The following ARFGAP1 variants were observed in gnomAD, a reference collection of about 807,000 sequenced individuals.
ARFGAP1 encodes ARF GTPase activating protein 1.
In ARFGAP1, 26 loss-of-function variants were observed where a neutral mutation model predicts 54.0. The ratio of observed to expected loss-of-function variants is 0.48; its 90% CI spans 0.35 to 0.67. The LOEUF (loss-of-function observed/expected upper bound fraction) is 0.67, where lower values mean the gene tolerates loss of function less well. Ranked by LOEUF, ARFGAP1 falls within the 30% of genes least tolerant of loss-of-function variation. ARFGAP1 has a pLI of 0.00. For synonymous variants in ARFGAP1, 248 were observed against 211.9 expected (o/e 1.17, Z -1.48); for missense variants, 525 against 535.8 (o/e 0.98, Z 0.20).
intron 5 of ARFGAP1, among the ~76,000 whole-genome samples, chr20:63,277,795 G>A (rs2067272344): frequency 1.3e-5 from 2 of 152,246 alleles, no homozygotes; most frequent in Admixed American, 1.3e-4. Flanking sequence ...CTGACGGAAG[G>A]CTTTGCACTG....
intron 4 of ARFGAP1, among the ~76,000 whole-genome samples, chr20:63,277,004 T>C (rs1198953834): frequency 6.6e-6 from 1 of 152,158 alleles, no homozygotes; most frequent in African/African-American, 2.4e-5. Flanking sequence ...TCCCCAGCAC[T>C]GTTGTTCATT....
rs112165222 is a variant in ARFGAP1 at position 63,276,889 on chromosome 20, G to A, written c.342+238G>A. On this transcript the variant is annotated intron_variant, in intron 4 of 12. Coordinates refer to ENST00000370283, the MANE Select transcript of ARFGAP1 (RefSeq NM_018209.4). This position sits in a 1 kb window ranked among gnomAD's most constrained non-coding sequence, Gnocchi z 5.2. ...TCCAGGGGAGAAAGCAGCTGTGACC[G>A]TTTATTGCCTCTGTGACATGTTGGG... The A allele has an allele frequency of 3.0e-5, 17 of 566,522 alleles. No homozygotes were observed. The highest frequency in any genetic ancestry group is 2.2e-4 in the African/African-American group (12 of 53,548). The allele number at this position is 566,522 out of a possible 1,614,324, so 35.1% of individuals were successfully genotyped here.
At chr20:63,278,374 G>A in intron 6 of ARFGAP1, 171 bp downstream of exon 6, 1 of 636,508 alleles carries the variant, frequency 1.6e-6, no homozygotes, top group Admixed American at 2.7e-5. Context: ...TGTGAATTGG[G>A]GGTCTTGGGT....
intron 7 of ARFGAP1, 82 bp downstream of exon 7, chr20:63,279,077 A>T (rs1057124987): frequency 1.5e-6 from 2 of 1,363,540 alleles, no homozygotes; most frequent in Non-Finnish European, 2.1e-6. Context: ...GCAGTGTGGC[A>T]GTCCTGGAAC....
intron 5 of ARFGAP1, 100 bp from the exon 6 acceptor site, chr20:63,278,017 G>A (rs1365939846): frequency 3.7e-6 from 4 of 1,076,216 alleles, no homozygotes; most frequent in African/African-American, 3.1e-5. Flanking sequence ...GTGACGTGAA[G>A]GCACTGCCCA....
intron 8 of ARFGAP1, among the ~76,000 whole-genome samples, chr20:63,282,261 C>T (rs1245869811): frequency 6.6e-6 from 1 of 152,252 alleles, no homozygotes; most frequent in African/African-American, 2.4e-5. Context: ...CTGGTTCCCG[C>T]CAGGGCCGCC....
chr20:63,281,142 G>A (rs2067370020), intron 7 of ARFGAP1, 149 bp from the exon 8 acceptor site: 10 of 751,690 alleles, frequency 1.3e-5, no homozygotes, highest in Admixed American at 5.3e-5. Context: ...TCCTCCAGCA[G>A]CCTGGAGAAG....
chr20:63,284,103 C>A (rs1042227321), intron 9 of ARFGAP1: 11 of 1,328,904 alleles, frequency 8.3e-6, no homozygotes, highest in Middle Eastern at 5.6e-4. Flanking sequence ...CACTGCGCTC[C>A]CCCCGGGCAA....
At chr20:63,283,950 C>A in intron 9 of ARFGAP1, 1 of 1,598,516 alleles carries the variant, frequency 6.3e-7, no homozygotes, top group African/African-American at 1.3e-5. Flanking sequence ...TCCTCTGTCC[C>A]TCCTGCGTGC....
intron 9 of ARFGAP1, chr20:63,284,641 G>T: frequency 7.2e-7 from 1 of 1,392,016 alleles, no homozygotes; most frequent in Non-Finnish European, 9.4e-7. Context: ...GGACCTTCCT[G>T]CAAGAATTGG....
intron 12 of ARFGAP1, 37 bp downstream of exon 12, chr20:63,286,479 C>T (rs1360001125): frequency 5.0e-6 from 8 of 1,593,138 alleles, no homozygotes; most frequent in Non-Finnish European, 6.0e-6. Flanking sequence ...GCATCCCACT[C>T]CCCTGCCTTG....
chr20:63,281,327 G>T lies in ARFGAP1; in HGVS notation c.664G>T (p.Ala222Ser). 6.2e-7 allele frequency: 1 copy of T among 1,600,552 alleles called. No homozygotes were observed. The highest frequency in any genetic ancestry group is 1.7e-5 in the Admixed American group (1 of 59,372). The part of the protein sequence containing the change: ...SSFTTGASRF[A>S]SAAKEGATKF... ...CTTCACCACTGGAGCCAGCCGGTTT[G>T]CCTCGGCAGCCAAGGAGGGCGTAAG... is the stretch of plus-strand genomic sequence containing the variant. Residue 222 changes from alanine to serine, a missense_variant, in exon 8 of 13, where the codon GCC becomes TCC. Transcript: ENST00000370283.
chr20:63,281,684 G>A (rs1430933096), intron 8 of ARFGAP1, among the ~76,000 whole-genome samples: 1 of 152,196 alleles, frequency 6.6e-6, no homozygotes, highest in Non-Finnish European at 1.5e-5. Flanking sequence ...GGCACCCTGT[G>A]CCCTGGAGCT....
At chr20:63,273,182 C>T (rs1334785652) in intron 1 of ARFGAP1, 6 of 152,066 alleles carry the variant, frequency 3.9e-5, no homozygotes, top group African/African-American at 1.4e-4. Flanking sequence ...CTCGTGCCCC[C>T]TTCCGTACGA....
rs1303230510 is a variant in ARFGAP1, at chr20:63,287,928, G to T, written c.*55G>T. ...CCGGGCGACTTCGTGTTTGCACTCT[G>T]CCCTCGTCGTTCCTCCTCCTTCCAT... On this transcript the variant is annotated 3_prime_UTR_variant, in exon 13 of 13. Coordinates refer to ENST00000370283, the MANE Select transcript of ARFGAP1 (RefSeq NM_018209.4). 2 of 1,444,216 alleles carry T rather than the reference G, an allele frequency of 1.4e-6. No homozygotes were observed. The highest frequency in any genetic ancestry group is 5.0e-5 in the East Asian group (2 of 40,076). The allele number at this position is 1,444,216 out of a possible 1,614,324, so 89.5% of individuals were successfully genotyped here.
At chr20:63,282,440 C>T (rs1362444197) in intron 8 of ARFGAP1, among the ~76,000 whole-genome samples, 5 of 152,242 alleles carry the variant, frequency 3.3e-5, no homozygotes, top group South Asian at 2.1e-4. Flanking sequence ...GGGGCTGGGG[C>T]GGTGGCACTG....
chr20:63,287,476 T>C, intron 12 of ARFGAP1, 88 bp from the exon 13 acceptor site: 1 of 1,309,324 alleles, frequency 7.6e-7, no homozygotes, highest in East Asian at 2.4e-5. Flanking sequence ...GCGGTCACTG[T>C]CCAGGTGCAG....
chr20:63,285,495 C>T (rs2067507949), intron 10 of ARFGAP1, 159 bp from the exon 11 acceptor site: 3 of 731,390 alleles, frequency 4.1e-6, no homozygotes, highest in South Asian at 3.5e-5. Flanking sequence ...TGCTGGAATC[C>T]CTTTGGGGCC....
chr20:63,275,512 G>C (rs994701180), intron 1 of ARFGAP1, 65 bp from the exon 2 acceptor site: 4 of 1,496,890 alleles, frequency 2.7e-6, no homozygotes, highest in Admixed American at 3.5e-5. Context: ...TTGGACAGAC[G>C]TTATTTTCTT....
Sources: gnomAD v4.1 joint callset for allele counts (sites outside exome capture counted in the v4.1 genomes callset) on GRCh38, gnomAD v4.1.1 for gene constraint, Gnocchi (gnomAD v3.1) non-coding constraint, MANE v1.5 for transcripts, NCBI Gene and HGNC (gene_info 2026-07-23, HGNC 2026-07-21) for gene names.